Variants in VIT observed in about 807,000 individuals in gnomAD.
VIT encodes the protein vitrin.
A neutral mutation model predicts 78.0 loss-of-function variants in VIT; 99 were observed. The ratio of observed to expected loss-of-function variants is 1.27; its 90% CI spans 1.08 to 1.50. The LOEUF is 1.50. Ranked by LOEUF, VIT falls within the 40% of genes most tolerant of loss-of-function variation. The probability of loss-of-function intolerance (pLI) is 0.00; values close to 1 mark genes in which losing one functional copy is unlikely to be tolerated. For missense variants in VIT, 1,126 were observed against 875.3 expected, an observed-to-expected ratio of 1.29 and a Z score of -3.61; for synonymous variants, 374 against 334.3, an observed-to-expected ratio of 1.12 and a Z score of -1.29.
intron 6 of VIT, among the ~76,000 whole-genome samples, chr2:36,765,179 A>T (rs1669346070): frequency 6.6e-6 from 1 of 152,172 alleles, no homozygotes; most frequent in African/African-American, 2.4e-5. Flanking sequence ...GGTGGGCTCT[A>T]AATGCAATCA....
chr2:36,814,342 A>C lies in VIT; in HGVS notation c.2063A>C (p.Asn688Thr). ...RIIQNICTEF[N>T]SQPRN ...ATCCAGAACATTTGTACAGAGTTCA[A>C]CTCACAGCCTCGGAACTGAATTCAG... Residue 688 changes from asparagine to threonine, a missense_variant, in exon 16 of 16, where the codon AAC becomes ACC. Coordinates refer to ENST00000379242, the MANE Select transcript of VIT (RefSeq NM_053276.4). 1 of 1,614,174 alleles carries C rather than the reference A, an allele frequency of 6.2e-7. No individual in the cohort carries two copies. The highest frequency in any genetic ancestry group is 1.1e-5 in the South Asian group (1 of 91,066).
intron 2 of VIT, among the ~76,000 whole-genome samples, chr2:36,717,362 G>GTGTGTGTGTT (rs1666224248): frequency 1.4e-5 from 2 of 143,966 alleles, no homozygotes; most frequent in East Asian, 4.1e-4. Context: ...GTGTGTGTGT[G>GTGTGTGTGTT]TGTGTGTGTG....
At chr2:36,735,275 C>T (rs532776834) in intron 3 of VIT, among the ~76,000 whole-genome samples, 3 of 152,292 alleles carry the variant, frequency 2.0e-5, no homozygotes, top group South Asian at 4.1e-4. Flanking sequence ...AGCTCTACTC[C>T]ACAAACCCAT....
At chr2:36,795,476 G>T (rs536162828) in intron 12 of VIT, among the ~76,000 whole-genome samples, 2 of 151,402 alleles carry the variant, frequency 1.3e-5, no homozygotes, top group Non-Finnish European at 2.9e-5. Context: ...GCCCTGGCGC[G>T]ATCTCAGCTC....
intron 12 of VIT, among the ~76,000 whole-genome samples, chr2:36,788,675 A>G (rs1174560585): frequency 6.6e-6 from 1 of 152,224 alleles, no homozygotes; most frequent in Non-Finnish European, 1.5e-5. Flanking sequence ...CAGATAGCCA[A>G]TGGATGACAG....
chr2:36,769,763 G>A (rs1341940236), intron 7 of VIT, among the ~76,000 whole-genome samples: 2 of 152,064 alleles, frequency 1.3e-5, no homozygotes, highest in Non-Finnish European at 1.5e-5. Context: ...AGGGTTGTGT[G>A]ACCATCACCA....
chr2:36,755,206 A>G, intron 5 of VIT, 152 bp downstream of exon 5: 1 of 915,242 alleles, frequency 1.1e-6, no homozygotes, highest in Non-Finnish European at 1.5e-6. Context: ...CGACACAATA[A>G]ATTAGAATTA....
chr2:36,807,840 C>G (rs1666840510), intron 14 of VIT, among the ~76,000 whole-genome samples: 2 of 152,214 alleles, frequency 1.3e-5, no homozygotes, highest in African/African-American at 4.8e-5. Flanking sequence ...GTTCCAATCT[C>G]AGGGACTCAG....
In VIT at chr2:36,743,117, T is replaced by G. The variant is rs764739230; in HGVS notation, c.136T>G (p.Cys46Gly). ...ATTCCCAGCTGTGCCTCAGATCAACTGCGATGTCAAAGCCGGAAAGATCAT... is the reference window on the plus strand; with the variant it reads ...ATTCCCAGCTGTGCCTCAGATCAACGGCGATGTCAAAGCCGGAAAGATCAT... ...RPKFTVPQIN[C>G]DVKAGKIIDP... The change falls in exon 4 of 16, where the codon TGC (cysteine) becomes GGC (glycine). Residue 46 changes from cysteine to glycine, a missense_variant. Cys to Gly is a radical substitution (Grantham distance 159, BLOSUM62 -3). Transcript: ENST00000379242. 6.2e-7 allele frequency: 1 copy of G among 1,614,054 alleles called. No homozygotes were observed. The highest frequency in any genetic ancestry group is 1.7e-5 in the Admixed American group (1 of 60,000).
chr2:36,781,663 C>T, intron 9 of VIT, 64 bp from the exon 10 acceptor site: 2 of 1,577,684 alleles, frequency 1.3e-6, no homozygotes, highest in Non-Finnish European at 1.7e-6. Context: ...CGGCAATTCA[C>T]TCAAGAGTTT....
chr2:36,764,058 T>C (rs1669279002), intron 6 of VIT, among the ~76,000 whole-genome samples: 1 of 152,212 alleles, frequency 6.6e-6, no homozygotes, highest in Non-Finnish European at 1.5e-5. Flanking sequence ...AAATCAATTT[T>C]AGCAAAGGCA....
chr2:36,796,924 A>C (rs1665944303), intron 12 of VIT, among the ~76,000 whole-genome samples: 2 of 152,220 alleles, frequency 1.3e-5, no homozygotes, highest in Non-Finnish European at 2.9e-5. Context: ...AATCATTTTC[A>C]AATGTAATTC....
chr2:36,748,085 G>A lies in VIT; in HGVS notation c.275+4829G>A, dbSNP rs369381772. Among the ~76,000 whole-genome samples, 112 of 152,328 alleles carry A rather than the reference G, an allele frequency of 7.4e-4. 1 individual carries two copies. The East Asian group carries it at 0.013, about 18-fold the overall frequency. ...TTCTGGCTTGTAAACTTTCTGCTGA[G>A]AAGTCCACTGTTAGCCTGATGGGGT... On this transcript the variant is annotated intron_variant, in intron 4 of 15. Transcript: ENST00000379242.
chr2:36,701,287 G>A (rs1665041966), intron 1 of VIT, among the ~76,000 whole-genome samples: 1 of 152,110 alleles, frequency 6.6e-6, no homozygotes, highest in Non-Finnish European at 1.5e-5. Flanking sequence ...GTTAGGTGGT[G>A]CGAGTGGAGG....
intron 1 of VIT, among the ~76,000 whole-genome samples, chr2:36,701,467 G>A (rs968584171): frequency 6.6e-6 from 1 of 152,160 alleles, no homozygotes; most frequent in Non-Finnish European, 1.5e-5. Context: ...TCTCTACATT[G>A]ACAAGACTCT....
At chr2:36,701,008 G>A (rs961582187) in intron 1 of VIT, among the ~76,000 whole-genome samples, 13 of 151,944 alleles carry the variant, frequency 8.6e-5, no homozygotes, top group Admixed American at 3.9e-4. Flanking sequence ...TAACCTGCCA[G>A]GCAACAATTA....
chr2:36,797,721 T>C (rs1254422506), intron 12 of VIT, among the ~76,000 whole-genome samples: 1 of 152,170 alleles, frequency 6.6e-6, no homozygotes, highest in Non-Finnish European at 1.5e-5. Context: ...TGGGAGTTGA[T>C]GAAATCTCCC....
At chr2:36,740,024 G>A (rs754358624) in intron 3 of VIT, among the ~76,000 whole-genome samples, 21 of 152,200 alleles carry the variant, frequency 1.4e-4, no homozygotes, top group Non-Finnish European at 2.6e-4. Context: ...GACTGTTCTG[G>A]CATTTGCCAA....
At chr2:36,749,847 G>A (rs960986151) in intron 4 of VIT, among the ~76,000 whole-genome samples, 2 of 152,196 alleles carry the variant, frequency 1.3e-5, no homozygotes, top group African/African-American at 4.8e-5. Context: ...ACCTCTGCAA[G>A]GGAGAGAAAA....
Sources: gnomAD v4.1 joint callset for allele counts (sites outside exome capture counted in the v4.1 genomes callset) on GRCh38, gnomAD v4.1.1 for gene constraint, MANE v1.5 for transcripts, NCBI Gene and HGNC (gene_info 2026-07-23, HGNC 2026-07-21) for gene names.